COP1: variants seen among roughly 807,000 people sequenced by gnomAD.
The protein encoded by COP1 is E3 ubiquitin-protein ligase COP1.
Under a neutral mutation model 101.3 loss-of-function variants are expected in COP1, and 24 were observed. The ratio of observed to expected loss-of-function variants is 0.24; its 90% CI spans 0.17 to 0.33. The LOEUF (loss-of-function observed/expected upper bound fraction) is 0.33, where lower values mean the gene tolerates loss of function less well. COP1 is among the 10% of genes least tolerant of loss of function. The probability of loss-of-function intolerance (pLI) is 1.00; values close to 1 mark genes in which losing one functional copy is unlikely to be tolerated. For missense variants in COP1, 663 were observed against 906.2 expected (o/e 0.73, Z 3.45); for synonymous variants, 347 against 341.9 (o/e 1.01, Z -0.17).
At chr1:175,964,173 C>T (rs551839838) in intron 18 of COP1, among the ~76,000 whole-genome samples, 1 of 152,256 alleles carries the variant, frequency 6.6e-6, no homozygotes, top group East Asian at 1.9e-4. Flanking sequence ...ACAGCTAATA[C>T]TTAATGGTGA....
At chr1:175,993,401 T>A (rs916202454) in intron 15 of COP1, among the ~76,000 whole-genome samples, 2 of 152,190 alleles carry the variant, frequency 1.3e-5, no homozygotes, top group African/African-American at 2.4e-5. Context: ...GGAGAATGGC[T>A]TTGACGAGTT....
chr1:175,954,343 T>C lies in COP1; in HGVS notation c.2134-7104A>G, dbSNP rs147452522. On this transcript the variant is annotated intron_variant, in intron 18 of 19. Transcript: ENST00000367669. ...GCAGGAAGGTTGAACATTAATGATA[T>C]AGTAACTTGCACCTTAAGAAGCTAG... Among the ~76,000 whole-genome samples, 456 of 152,230 alleles carry C rather than the reference T, an allele frequency of 3.0e-3. 2 individuals carry two copies. Among genetic ancestry groups the C allele is most frequent in the African/African-American group, 0.01 (429 of 41,564 alleles).
At chr1:176,119,235 CCTA>C (rs1363364286) in intron 8 of COP1, among the ~76,000 whole-genome samples, 2 of 152,182 alleles carry the variant, frequency 1.3e-5, no homozygotes, top group Non-Finnish European at 2.9e-5. Flanking sequence ...CTCTGTTCTT[CCTA>C]CTAATGAAAC....
chr1:176,005,717 T>C lies in COP1; in HGVS notation c.1730-16238A>G, dbSNP rs377084890. Among the ~76,000 whole-genome samples the C allele has an allele frequency of 6.9e-3, 1,010 of 146,972 alleles. 46 individuals are homozygous for C. The highest frequency in any genetic ancestry group is 0.05 in the Admixed American group (724 of 14,380). On this transcript the variant is annotated intron_variant, in intron 15 of 19. Coordinates refer to ENST00000367669, the MANE Select transcript of COP1 (RefSeq NM_022457.7). ...TTTGATTGCACTGTGGTATGAGAGATAGTTTGTTATAATCTCTGTTCTTTT... is the reference window on the plus strand; with the variant it reads ...TTTGATTGCACTGTGGTATGAGAGACAGTTTGTTATAATCTCTGTTCTTTT...
chr1:175,952,196 C>A (rs1048856711), intron 18 of COP1, among the ~76,000 whole-genome samples: 47 of 151,834 alleles, frequency 3.1e-4, no homozygotes, highest in African/African-American at 4.8e-4. Context: ...CCATGGCAGG[C>A]GGATCGCCTG....
At chr1:176,124,871 T>C (rs1320675619) in intron 8 of COP1, among the ~76,000 whole-genome samples, 1 of 152,206 alleles carries the variant, frequency 6.6e-6, no homozygotes, top group African/African-American at 2.4e-5. Flanking sequence ...TGTACTAAAT[T>C]ACATTCCCAC....
At position 176,207,221 on chromosome 1, in the gene COP1, G is replaced by C. The variant is rs923829525; in HGVS notation, c.-243C>G. The C allele has an allele frequency of 4.7e-5, 19 of 401,330 alleles. No individual in the cohort carries two copies. Among genetic ancestry groups the C allele is most frequent in the Non-Finnish European group, 8.3e-5 (19 of 228,612 alleles). The allele number at this position is 401,330 out of a possible 1,614,324, so 24.9% of individuals were successfully genotyped here. ...CACTACCGCTGTCGAGGCCGCCGCC[G>C]CCACCGCGGTCCCTGTAGCAGCCAA... On this transcript the variant is annotated 5_prime_UTR_variant, in exon 1 of 20. Coordinates refer to ENST00000367669, the MANE Select transcript of COP1 (RefSeq NM_022457.7).
chr1:176,070,611 A>T (rs1676818136), intron 11 of COP1, among the ~76,000 whole-genome samples: 1 of 152,124 alleles, frequency 6.6e-6, no homozygotes, highest in Non-Finnish European at 1.5e-5. Flanking sequence ...GCAGTGAGCC[A>T]AGACCGCACC....
intron 18 of COP1, among the ~76,000 whole-genome samples, chr1:175,986,072 T>C (rs1331962360): frequency 6.6e-6 from 1 of 152,202 alleles, no homozygotes; most frequent in Non-Finnish European, 1.5e-5. Flanking sequence ...CAGGCTGGAC[T>C]GCAGTGGCGC....
chr1:176,155,851 C>T (rs1016758783), intron 5 of COP1, among the ~76,000 whole-genome samples: 1 of 151,844 alleles, frequency 6.6e-6, no homozygotes. Context: ...GTGAAAATAT[C>T]TTTAAAGTGT....
intron 18 of COP1, among the ~76,000 whole-genome samples, chr1:175,980,800 G>A (rs1291932686): frequency 2.0e-5 from 3 of 152,044 alleles, no homozygotes; most frequent in Non-Finnish European, 2.9e-5. Context: ...ACTTAGGATT[G>A]GTGAGTAGCT....
intron 8 of COP1, chr1:176,134,035 A>G (rs1176964538): frequency 2.8e-6 from 1 of 352,026 alleles, no homozygotes; most frequent in East Asian, 7.3e-5. Flanking sequence ...TCTCCATACT[A>G]TAATTAATGG....
In COP1 at chr1:175,960,272, C is replaced by T. The variant is rs1011683184; in HGVS notation, c.2134-13033G>A. Reference sequence around the variant, plus strand: ...GAAAGATTTCAATTCAAAGCTCTAACGCTTCTAGACTTTTCATTATGGGCA... The same window carrying T: ...GAAAGATTTCAATTCAAAGCTCTAATGCTTCTAGACTTTTCATTATGGGCA... On this transcript the variant is annotated intron_variant, in intron 18 of 19. Transcript: ENST00000367669. Among the ~76,000 whole-genome samples, 5 of 152,272 alleles carry T rather than the reference C, an allele frequency of 3.3e-5. No homozygotes were observed. The South Asian group carries it at 6.2e-4, about 19-fold the overall frequency.
At chr1:176,164,396 C>T (rs1268940469) in intron 3 of COP1, among the ~76,000 whole-genome samples, 1 of 152,156 alleles carries the variant, frequency 6.6e-6, no homozygotes, top group African/African-American at 2.4e-5. Context: ...GTCAGACTGC[C>T]ATATAACTTT....
chr1:176,166,527 T>C (rs1021064735), intron 3 of COP1, among the ~76,000 whole-genome samples: 1 of 152,266 alleles, frequency 6.6e-6, no homozygotes, highest in Non-Finnish European at 1.5e-5. Flanking sequence ...ATTAACTGTC[T>C]TGCCATGTCA....
At chr1:176,204,835 G>A (rs2102317140) in intron 1 of COP1, among the ~76,000 whole-genome samples, 1 of 152,312 alleles carries the variant, frequency 6.6e-6, no homozygotes, top group South Asian at 2.1e-4. Context: ...GGCTGAGGCT[G>A]GAGAATTGCT....
At chr1:175,993,050 C>T (rs1212368747) in intron 15 of COP1, among the ~76,000 whole-genome samples, 2 of 152,152 alleles carry the variant, frequency 1.3e-5, no homozygotes, top group African/African-American at 4.8e-5. Flanking sequence ...ACAAAACTTC[C>T]AGAGGAACGA....
chr1:176,150,064 C>T (rs1346708646), intron 5 of COP1, among the ~76,000 whole-genome samples: 1 of 152,162 alleles, frequency 6.6e-6, no homozygotes, highest in Non-Finnish European at 1.5e-5. Context: ...GATCCTGTTG[C>T]TCTAGAAAAG....
intron 15 of COP1, among the ~76,000 whole-genome samples, chr1:176,006,488 G>T (rs185810046): frequency 1.3e-5 from 2 of 152,160 alleles, no homozygotes; most frequent in Non-Finnish European, 2.9e-5. Flanking sequence ...GGCTGGTATG[G>T]GTTGTTCCTT....
Sources: gnomAD v4.1 joint callset for allele counts (sites outside exome capture counted in the v4.1 genomes callset) on GRCh38, gnomAD v4.1.1 for gene constraint, MANE v1.5 for transcripts, NCBI Gene and HGNC (gene_info 2026-07-23, HGNC 2026-07-21) for gene names.